The following RNF213 variants were observed in gnomAD, a reference collection of about 807,000 sequenced individuals.
RNF213 encodes E3 ubiquitin-protein ligase RNF213.
Under a neutral mutation model 514.4 loss-of-function variants are expected in RNF213, and 341 were observed. The observed-to-expected ratio is 0.66, with a 90% CI of 0.61 to 0.73. The LOEUF is 0.73. Among genes scored for constraint, RNF213 ranks in the 30% least tolerant of loss-of-function variants. The pLI is 0.00. For synonymous variants in RNF213, 2,655 were observed against 2,658.2 expected, an observed-to-expected ratio of 1.00 and a Z score of 0.04; for missense variants, 5,767 against 6,615.6, an observed-to-expected ratio of 0.87 and a Z score of 4.45.
chr17:80,312,877 G>A lies in RNF213; in HGVS notation c.2656-135G>A. 3 of 934,638 alleles carry A rather than the reference G, an allele frequency of 3.2e-6. No homozygotes were observed. In the South Asian group the frequency reaches 4.2e-5, roughly 13 times the overall value. The allele number at this position is 934,638 out of a possible 1,614,324, so 57.9% of individuals were successfully genotyped here. A position where few individuals can be genotyped will look rare whatever the true frequency, so the allele number is the denominator to read the frequency against. On this transcript the variant is annotated intron_variant, in intron 14 of 67. Coordinates refer to ENST00000582970, the MANE Select transcript of RNF213 (RefSeq NM_001256071.3). Reference sequence around the variant, plus strand: ...TTTGGGAATGTGGGCTTCTGCCAAGGCCTGTGGTCCCTCCATCGTAGCCAC... The same window carrying A: ...TTTGGGAATGTGGGCTTCTGCCAAGACCTGTGGTCCCTCCATCGTAGCCAC...
chr17:80,306,566 C>T (rs946464956), intron 12 of RNF213, 98 bp downstream of exon 12: 11 of 1,284,064 alleles, frequency 8.6e-6, no homozygotes, highest in African/African-American at 1.5e-5. Context: ...AAAAAACAGA[C>T]AGTGGGCTGG....
chr17:80,380,718 C>A, intron 55 of RNF213, 113 bp from the exon 56 acceptor site: 2 of 1,231,620 alleles, frequency 1.6e-6, no homozygotes, highest in Non-Finnish European at 2.4e-6. Flanking sequence ...ACAGCAAGTA[C>A]TCTTCACATA....
chr17:80,293,758 C>T (rs962604800), intron 8 of RNF213, among the ~76,000 whole-genome samples: 5 of 151,798 alleles, frequency 3.3e-5, no homozygotes, highest in South Asian at 4.2e-4. Flanking sequence ...ACCCGGGAGG[C>T]GGAGCTTGCA....
chr17:80,380,729 ACT>A (rs2079960633), intron 55 of RNF213, 100 bp from the exon 56 acceptor site: 1 of 1,341,896 alleles, frequency 7.5e-7, no homozygotes, highest in Non-Finnish European at 1.1e-6. Context: ...TCTTCACATA[ACT>A]CTCTTCTCAG....
At chr17:80,274,003 G>C (rs534607981) in intron 3 of RNF213, among the ~76,000 whole-genome samples, 19 of 152,244 alleles carry the variant, frequency 1.2e-4, no homozygotes, top group African/African-American at 4.3e-4. Flanking sequence ...AGCTTCTGCC[G>C]TGTGTATCTG....
rs193286572 is a variant in RNF213 at position 80,358,875 on chromosome 17, C to T, written c.11054+396C>T. ...AGTGAGCCGAGATGGCGCCACTGCA[C>T]TCCAGCCTGGTGACAGAGCAAGACT... On this transcript the variant is annotated intron_variant, in intron 37 of 67. Transcript: ENST00000582970. 3.9e-5 allele frequency among the ~76,000 whole-genome samples: 6 copies of T among 152,298 alleles called. No individual in the cohort carries two copies. The East Asian group carries it at 1.2e-3, about 29-fold the overall frequency.
At chr17:80,298,240 C>A in intron 10 of RNF213, 81 bp from the exon 11 acceptor site, 3 of 1,447,098 alleles carry the variant, frequency 2.1e-6, no homozygotes, top group African/African-American at 1.4e-5. Flanking sequence ...ACGGTGCTTG[C>A]TTCCTGTTGG....
At chr17:80,281,516 AAC>A (rs2044285967) in intron 3 of RNF213, among the ~76,000 whole-genome samples, 7 of 76,508 alleles carry the variant, frequency 9.1e-5, no homozygotes, top group African/African-American at 1.6e-4. Context: ...CACACACCCC[AAC>A]ACACACATGC....
chr17:80,277,336 AC>A (rs762713657), intron 3 of RNF213, among the ~76,000 whole-genome samples: 14 of 151,812 alleles, frequency 9.2e-5, no homozygotes, highest in Non-Finnish European at 1.8e-4. Context: ...GTGGCTTCTC[AC>A]CTGTAATCCC....
At chr17:80,327,152 G>A (rs1322378068) in intron 18 of RNF213, among the ~76,000 whole-genome samples, 1 of 152,154 alleles carries the variant, frequency 6.6e-6, no homozygotes, top group Non-Finnish European at 1.5e-5. Context: ...TTCTGTTGTA[G>A]GTATTCCTAG....
intron 67 of RNF213, among the ~76,000 whole-genome samples, chr17:80,390,465 T>TGGCTCACTGCAACCTC (rs1599223335): frequency 6.8e-6 from 1 of 147,474 alleles, no homozygotes; most frequent in African/African-American, 2.4e-5. Flanking sequence ...ACTGCAACCT[T>TGGCTCACTGCAACCTC]GGCTCACTGC....
At chr17:80,333,825 A>C in intron 21 of RNF213, 2 of 406,672 alleles carry the variant, frequency 4.9e-6, no homozygotes, top group Non-Finnish European at 9.1e-6. Context: ...GTTACTTGGC[A>C]GGGTTATGTG....
rs572553502 is a variant in RNF213, at chr17:80,386,982, C to G, written c.14922+91C>G. On this transcript the variant is annotated intron_variant, in intron 63 of 67. Transcript: ENST00000582970. ...TGTTTCTCGAGAGAGGGAAGCAGCACCTCACCCTGCAGTCTGGTCTGTATC... is the reference window on the plus strand; with the variant it reads ...TGTTTCTCGAGAGAGGGAAGCAGCAGCTCACCCTGCAGTCTGGTCTGTATC... The G allele has an allele frequency of 1.2e-4, 153 of 1,238,102 alleles. No individual in the cohort carries two copies. In the African/African-American group the frequency reaches 2.1e-3, roughly 17 times the overall value. 76.7% of individuals were successfully genotyped at this position (1,238,102 alleles called of 1,614,324 possible).
At position 80,380,930 on chromosome 17, in the gene RNF213, CCTT is replaced by C; in HGVS notation, c.13741_13743del (p.Leu4581del). 1 of 1,614,204 alleles carries C rather than the reference CCTT, an allele frequency of 6.2e-7. No homozygotes were observed. The highest frequency in any genetic ancestry group is 8.5e-7 in the Non-Finnish European group (1 of 1,180,038). ...GAGGGCTGCCCCCAGTGGTCTTCCT[CCTT>C]ATCCGGCTACTCACTCACTTGGCTC... is the stretch of plus-strand genomic sequence containing the variant. On this transcript the variant is annotated inframe_deletion, in exon 56 of 68. Transcript: ENST00000582970.
In RNF213 at chr17:80,393,377, C is replaced by A; in HGVS notation, c.15503C>A (p.Thr5168Asn). 6.2e-7 allele frequency: 1 copy of A among 1,614,158 alleles called. No homozygotes were observed. The highest frequency in any genetic ancestry group is 8.5e-7 in the Non-Finnish European group (1 of 1,180,024). ...GACACTCTCGTAAGTTACATGCAAA[C>A]TAAAGAAAGTGAAATTCTTCCTGAA... ...LRDTLVSYMQ[T>N]KESEILPEMA... Residue 5168 changes from threonine to asparagine, a missense_variant, in exon 68 of 68, where the codon ACT (threonine) becomes AAT (asparagine). Transcript: ENST00000582970.
chr17:80,313,237 G>C, intron 15 of RNF213, 70 bp downstream of exon 15: 1 of 1,595,390 alleles, frequency 6.3e-7, no homozygotes, highest in Non-Finnish European at 8.6e-7. Flanking sequence ...CTCAAATCAT[G>C]GGGTACAGGC....
At chr17:80,342,514 T>A (rs556077880) in intron 26 of RNF213, among the ~76,000 whole-genome samples, 4 of 151,040 alleles carry the variant, frequency 2.6e-5, no homozygotes, top group African/African-American at 9.8e-5. Context: ...TTACTCTTTG[T>A]CCTAGCCCTG....
chr17:80,309,051 G>C lies in RNF213; in HGVS notation c.2535G>C (p.Leu845=). 6.2e-7 allele frequency: 1 copy of C among 1,614,124 alleles called. No homozygotes were observed. Among genetic ancestry groups the C allele is most frequent in the African/African-American group, 1.3e-5 (1 of 75,020 alleles). Residue 845 remains leucine (L), a synonymous_variant, in exon 14 of 68, where the codon CTG becomes CTC. Transcript: ENST00000582970. ...IPEEALSPSY[L]TVCLKLHEAI... ...AGGAGGCCTTGTCACCATCCTACCT[G>C]ACTGTGTGTCTGAAACTGCATGAAG...
rs188005990 is a variant in RNF213 at position 80,326,572 on chromosome 17, C to T, written c.3194-1244C>T. 4.1e-4 allele frequency among the ~76,000 whole-genome samples: 62 copies of T among 152,236 alleles called. No individual in the cohort carries two copies. In the East Asian group the frequency reaches 0.01, roughly 25 times the overall value. ...ATTCCAGTATCGTGCAGAATAGTTG[C>T]GCTGCCCCTACAAAATCCCATGCTC... On this transcript the variant is annotated intron_variant, in intron 18 of 67. Coordinates refer to ENST00000582970, the MANE Select transcript of RNF213 (RefSeq NM_001256071.3).
Sources: allele counts gnomAD v4.1 joint callset (sites outside exome capture counted in the v4.1 genomes callset), GRCh38; gene constraint gnomAD v4.1.1; transcripts MANE v1.5; gene names NCBI Gene and HGNC (gene_info 2026-07-23, HGNC 2026-07-21).